Variants in KIAA1217 observed in about 807,000 individuals in gnomAD.
The protein encoded by KIAA1217 is sickle tail protein homolog.
A neutral mutation model predicts 163.9 loss-of-function variants in KIAA1217; 88 were observed. The ratio of observed to expected loss-of-function variants is 0.54; its 90% CI spans 0.45 to 0.64. The LOEUF is 0.64. Ranked by LOEUF, KIAA1217 falls within the 30% of genes least tolerant of loss-of-function variation. The pLI, the probability that KIAA1217 is intolerant of heterozygous loss-of-function variation, is 0.00. For missense variants in KIAA1217, 2,372 were observed against 2,475.0 expected (o/e 0.96, Z 0.88); for synonymous variants, 903 against 923.1 (o/e 0.98, Z 0.39).
At chr10:24,300,624 G>A (rs1444320406) in intron 2 of KIAA1217, among the ~76,000 whole-genome samples, 12 of 152,164 alleles carry the variant, frequency 7.9e-5, no homozygotes, top group Non-Finnish European at 1.5e-5. Context: ...CTGGAGTGCA[G>A]TGGCACGATC....
At chr10:23,776,795 C>T (rs949280680) in intron 1 of KIAA1217, among the ~76,000 whole-genome samples, 1 of 151,024 alleles carries the variant, frequency 6.6e-6, no homozygotes, top group African/African-American at 2.4e-5. Flanking sequence ...ATTCTTGTGC[C>T]TCAGCCTCCT....
chr10:23,903,497 A>G (rs1589046325), intron 1 of KIAA1217, among the ~76,000 whole-genome samples: 1 of 152,256 alleles, frequency 6.6e-6, no homozygotes, highest in East Asian at 1.9e-4. Flanking sequence ...AGATTTGATG[A>G]AGAGTGGACA....
chr10:23,916,535 G>A (rs1339096577), intron 1 of KIAA1217, among the ~76,000 whole-genome samples: 2 of 152,040 alleles, frequency 1.3e-5, no homozygotes, highest in Admixed American at 1.3e-4. Flanking sequence ...TAATGCTCTG[G>A]TAGTGCTAGA....
chr10:24,448,562 A>T (rs77065466), intron 5 of KIAA1217, among the ~76,000 whole-genome samples: 3,916 of 152,102 alleles, frequency 0.026, 75 homozygotes, highest in Non-Finnish European at 0.04. Context: ...AATTTTCTGA[A>T]TTCTTTGTAG....
intron 2 of KIAA1217, among the ~76,000 whole-genome samples, chr10:24,102,235 C>G (rs78723161): frequency 0.011 from 1,686 of 152,170 alleles, 17 homozygotes; most frequent in African/African-American, 0.038. Flanking sequence ...CAGTTGCTTT[C>G]CTATATACCA....
intron 2 of KIAA1217, among the ~76,000 whole-genome samples, chr10:24,271,744 C>A (rs1428809643): frequency 2.0e-5 from 3 of 151,168 alleles, no homozygotes; most frequent in African/African-American, 7.3e-5. Context: ...CAGAGTGAGA[C>A]CCTGTCTTAA....
chr10:23,979,907 C>T (rs1374204728), intron 1 of KIAA1217, among the ~76,000 whole-genome samples: 2 of 151,922 alleles, frequency 1.3e-5, no homozygotes, highest in East Asian at 3.8e-4. Flanking sequence ...GCTCTGCTTC[C>T]TGGAAGATTT....
At chr10:23,890,103 G>T (rs1349169321) in intron 1 of KIAA1217, among the ~76,000 whole-genome samples, 2 of 151,618 alleles carry the variant, frequency 1.3e-5, no homozygotes, top group African/African-American at 4.8e-5. Context: ...TTTTCTTAGT[G>T]GGAAGATTTT....
At chr10:23,883,524 C>T (rs1427946762) in intron 1 of KIAA1217, among the ~76,000 whole-genome samples, 2 of 151,830 alleles carry the variant, frequency 1.3e-5, no homozygotes, top group Non-Finnish European at 2.9e-5. Context: ...GGGTACAGAG[C>T]CTTCACATAC....
At chr10:24,042,398 G>T (rs1848680535) in intron 2 of KIAA1217, 1 of 152,176 alleles carries the variant, frequency 6.6e-6, no homozygotes, top group South Asian at 2.1e-4. Flanking sequence ...GCTTAGGTGA[G>T]AAGATTTTGA....
intron 1 of KIAA1217, among the ~76,000 whole-genome samples, chr10:24,217,003 G>A (rs939874913): frequency 1.6e-5 from 2 of 123,938 alleles, no homozygotes; most frequent in Non-Finnish European, 3.1e-5. Context: ...CTGCATTCCA[G>A]CCTGGGTGAC....
intron 2 of KIAA1217, among the ~76,000 whole-genome samples, chr10:24,193,229 C>G (rs564508045): frequency 6.6e-6 from 1 of 152,170 alleles, no homozygotes; most frequent in Admixed American, 6.5e-5. Flanking sequence ...CTAACCTAAG[C>G]TTACATTATT....
intron 1 of KIAA1217, among the ~76,000 whole-genome samples, chr10:23,733,555 G>A (rs984279537): frequency 6.6e-5 from 10 of 151,794 alleles, no homozygotes; most frequent in African/African-American, 2.4e-4. Context: ...CCTAATACAA[G>A]GTAAATGCTA....
chr10:24,538,871 T>A (rs1339057779), intron 17 of KIAA1217, among the ~76,000 whole-genome samples: 1 of 150,916 alleles, frequency 6.6e-6, no homozygotes. Flanking sequence ...GTAGCTGGGA[T>A]TACAGGCGCC....
intron 2 of KIAA1217, among the ~76,000 whole-genome samples, chr10:24,044,356 CCTCA>C (rs1446829384): frequency 1.3e-5 from 2 of 152,158 alleles, no homozygotes; most frequent in Non-Finnish European, 2.9e-5. Context: ...TTTTTGTCCT[CCTCA>C]CTAAGATTTT....
chr10:23,849,212 T>C (rs1446917864), intron 1 of KIAA1217, among the ~76,000 whole-genome samples: 1 of 152,136 alleles, frequency 6.6e-6, no homozygotes, highest in South Asian at 2.1e-4. Context: ...ATGGAAGCCT[T>C]AAAATATATA....
intron 12 of KIAA1217, among the ~76,000 whole-genome samples, chr10:24,522,839 C>T (rs997104684): frequency 2.6e-5 from 4 of 152,050 alleles, no homozygotes; most frequent in South Asian, 2.1e-4. Context: ...GTATTACAGG[C>T]GGTGGCGTGC....
At chr10:24,253,574 G>T (rs1205908063) in intron 2 of KIAA1217, among the ~76,000 whole-genome samples, 2 of 152,042 alleles carry the variant, frequency 1.3e-5, no homozygotes, top group Non-Finnish European at 2.9e-5. Flanking sequence ...TTACTAAAAT[G>T]TTTACTCCTT....
intron 3 of KIAA1217, among the ~76,000 whole-genome samples, chr10:24,398,697 G>T (rs929422491): frequency 6.6e-6 from 1 of 151,930 alleles, no homozygotes; most frequent in Non-Finnish European, 1.5e-5. Flanking sequence ...TGGGCCGCCC[G>T]CATGCACAGT....
Sources: allele counts gnomAD v4.1 joint callset (sites outside exome capture counted in the v4.1 genomes callset), GRCh38; gene constraint gnomAD v4.1.1; transcripts MANE v1.5; gene names NCBI Gene and HGNC (gene_info 2026-07-23, HGNC 2026-07-21).